ZMYND8: variants seen among roughly 807,000 people sequenced by gnomAD.
ZMYND8 encodes the protein MYND-type zinc finger-containing chromatin reader ZMYND8.
Under a neutral mutation model 140.8 loss-of-function variants are expected in ZMYND8, and 37 were observed. The observed-to-expected ratio is 0.26, with a 90% CI of 0.20 to 0.35. The LOEUF (loss-of-function observed/expected upper bound fraction) is 0.35. ZMYND8 is among the 10% of genes least tolerant of loss of function. ZMYND8 has a pLI of 1.00. For synonymous variants in ZMYND8, 592 were observed against 597.1 expected (o/e 0.99, Z 0.12); for missense variants, 1,068 against 1,570.0 (o/e 0.68, Z 5.40).
At chr20:47,307,981 A>C (rs1398046582) in intron 3 of ZMYND8, among the ~76,000 whole-genome samples, 1 of 150,346 alleles carries the variant, frequency 6.7e-6, no homozygotes, top group Non-Finnish European at 1.5e-5. Flanking sequence ...AACTGGGCAC[A>C]GCGGCGGGCG....
chr20:47,310,086 A>G lies in ZMYND8; in HGVS notation c.204T>C (p.Pro68=). 6.2e-7 allele frequency: 1 copy of G among 1,614,146 alleles called. No individual in the cohort carries two copies. The highest frequency in any genetic ancestry group is 8.5e-7 in the Non-Finnish European group (1 of 1,180,016). The stretch of plus-strand genomic sequence containing the variant: ...CCTTATTGTTACTGTTCAGTAAGCC[A>G]GGTTTCTTTTTCTTTTTAATGGGGC... ...STSPIKKKKK[P]GLLNSNNKEQ... is the part of the protein sequence containing the mutation. Residue 68 remains proline (P), a synonymous_variant, in exon 3 of 23, where the codon CCT becomes CCC. Transcript: ENST00000471951.
At chr20:47,279,504 A>T (rs960570243) in intron 10 of ZMYND8, among the ~76,000 whole-genome samples, 1 of 105,024 alleles carries the variant, frequency 9.5e-6, no homozygotes, top group Non-Finnish European at 2.1e-5. Context: ...TAAATAAATA[A>T]ATAATAAAAC....
chr20:47,221,565 A>AC, intron 19 of ZMYND8, 91 bp from the exon 20 acceptor site: 1 of 1,463,978 alleles, frequency 6.8e-7, no homozygotes, highest in Non-Finnish European at 9.1e-7. Flanking sequence ...ACCCAGTGGC[A>AC]CCCAAGGCTC....
intron 21 of ZMYND8, among the ~76,000 whole-genome samples, chr20:47,218,641 G>A (rs2036471698): frequency 6.6e-6 from 1 of 152,158 alleles, no homozygotes; most frequent in Admixed American, 6.5e-5. Context: ...AGAGAATCAG[G>A]AAATATGAGA....
intron 11 of ZMYND8, among the ~76,000 whole-genome samples, chr20:47,275,582 GTT>G (rs2076208382): frequency 6.6e-6 from 1 of 151,330 alleles, no homozygotes; most frequent in African/African-American, 2.4e-5. Flanking sequence ...TACTATTATT[GTT>G]TTTTACCTTT....
intron 2 of ZMYND8, among the ~76,000 whole-genome samples, chr20:47,329,728 C>A (rs139832344): frequency 6.6e-6 from 1 of 152,078 alleles, no homozygotes; most frequent in African/African-American, 2.4e-5. Flanking sequence ...TAAAGAGCCA[C>A]GTACAGCTAG....
intron 11 of ZMYND8, among the ~76,000 whole-genome samples, chr20:47,272,408 T>C (rs1257436829): frequency 2.0e-5 from 3 of 152,200 alleles, no homozygotes; most frequent in Admixed American, 2.0e-4. Flanking sequence ...TAACTCACAG[T>C]GTAGCTACCA....
intron 16 of ZMYND8, among the ~76,000 whole-genome samples, chr20:47,232,191 G>A (rs1229259697): frequency 6.6e-6 from 1 of 152,108 alleles, no homozygotes; most frequent in African/African-American, 2.4e-5. Context: ...GGCCAATGTG[G>A]TGAAACCCCG....
chr20:47,354,124 CTT>C (rs2083020916), intron 1 of ZMYND8: 1 of 152,064 alleles, frequency 6.6e-6, no homozygotes, highest in Non-Finnish European at 1.5e-5. Context: ...AAGCAATTAA[CTT>C]TTTACAGACT....
intron 8 of ZMYND8, chr20:47,285,633 T>C (rs1057125950): frequency 3.7e-5 from 35 of 954,302 alleles, no homozygotes; most frequent in African/African-American, 1.1e-4. Context: ...CACAGCCTCA[T>C]AGTAGTTTTA....
chr20:47,323,248 C>T (rs1261234543), intron 2 of ZMYND8, among the ~76,000 whole-genome samples: 1 of 152,076 alleles, frequency 6.6e-6, no homozygotes, highest in Admixed American at 6.6e-5. Flanking sequence ...CCCAACTTTT[C>T]TCTTTTTTGG....
intron 21 of ZMYND8, among the ~76,000 whole-genome samples, chr20:47,216,992 C>T (rs2036224033): frequency 6.6e-6 from 1 of 152,152 alleles, no homozygotes; most frequent in Non-Finnish European, 1.5e-5. Context: ...AGCACTGAGG[C>T]TCAGGTGCAG....
chr20:47,230,493 C>T (rs755566729), intron 16 of ZMYND8, among the ~76,000 whole-genome samples: 3 of 152,048 alleles, frequency 2.0e-5, no homozygotes, highest in South Asian at 4.2e-4. Context: ...GGGGTTTCAC[C>T]ATGTTGGTCA....
At chr20:47,343,284 A>G (rs1184428197) in intron 2 of ZMYND8, among the ~76,000 whole-genome samples, 1 of 152,192 alleles carries the variant, frequency 6.6e-6, no homozygotes, top group East Asian at 1.9e-4. Context: ...GGCTGTCTCA[A>G]ACGAACAAAT....
At chr20:47,230,679 T>C (rs1196726521) in intron 16 of ZMYND8, among the ~76,000 whole-genome samples, 2 of 152,218 alleles carry the variant, frequency 1.3e-5, no homozygotes, top group Non-Finnish European at 2.9e-5. Context: ...CACCGCTTTA[T>C]TGAGGTATAT....
chr20:47,341,216 A>G lies in ZMYND8; in HGVS notation c.85+6640T>C, dbSNP rs112305917. Among the ~76,000 whole-genome samples the G allele has an allele frequency of 4.6e-5, 7 of 152,346 alleles. 1 individual carries two copies. The highest frequency in any genetic ancestry group is 1.7e-4 in the African/African-American group (7 of 41,588). On this transcript the variant is annotated intron_variant, in intron 2 of 22. Transcript: ENST00000471951. ...GTAAAAATGTTTACACAGTATGTCTATATATCCTTCCTTGTCTACTGAGAA... is the reference window on the plus strand; with the variant it reads ...GTAAAAATGTTTACACAGTATGTCTGTATATCCTTCCTTGTCTACTGAGAA...
In ZMYND8 at chr20:47,292,873, G is replaced by A. The variant is rs368386505; in HGVS notation, c.568-985C>T. On this transcript the variant is annotated intron_variant, in intron 5 of 22. Transcript: ENST00000471951. ...TCAAGACCAGCCTGGGCAACATAGCGAGACCCTGTCATTACAAAAAATAAT... is the reference window on the plus strand; with the variant it reads ...TCAAGACCAGCCTGGGCAACATAGCAAGACCCTGTCATTACAAAAAATAAT... 1.8e-4 allele frequency among the ~76,000 whole-genome samples: 27 copies of A among 151,726 alleles called. No individual in the cohort carries two copies. In the East Asian group the frequency reaches 3.1e-3, roughly 17 times the overall value.
intron 14 of ZMYND8, among the ~76,000 whole-genome samples, chr20:47,244,446 G>A (rs1175380752): frequency 6.6e-6 from 1 of 152,176 alleles, no homozygotes; most frequent in Non-Finnish European, 1.5e-5. Flanking sequence ...CTTTGTCAGT[G>A]GGAAGGACAT....
chr20:47,340,169 T>G (rs905067405), intron 2 of ZMYND8, among the ~76,000 whole-genome samples: 2 of 152,072 alleles, frequency 1.3e-5, no homozygotes, highest in African/African-American at 4.8e-5. Flanking sequence ...CTCAAACTCC[T>G]GACCTCATGA....
Sources: allele counts gnomAD v4.1 joint callset (sites outside exome capture counted in the v4.1 genomes callset), GRCh38; gene constraint gnomAD v4.1.1; transcripts MANE v1.5; gene names NCBI Gene and HGNC (gene_info 2026-07-23, HGNC 2026-07-21).